The following DNAH9 variants were observed in gnomAD, a reference collection of about 807,000 sequenced individuals.
DNAH9 encodes the protein dynein axonemal heavy chain 9.
Under a neutral mutation model 471.6 loss-of-function variants are expected in DNAH9, and 345 were observed. The ratio of observed to expected loss-of-function variants is 0.73; its 90% CI spans 0.67 to 0.80. The LOEUF (loss-of-function observed/expected upper bound fraction) is 0.80. DNAH9 is among the 30% of genes least tolerant of loss of function. The pLI is 0.00. For missense variants in DNAH9, 5,407 were observed against 5,609.2 expected, an observed-to-expected ratio of 0.96 and a Z score of 1.15; for synonymous variants, 2,093 against 2,123.6, an observed-to-expected ratio of 0.99 and a Z score of 0.40.
chr17:11,847,402 G>A (rs1227179480), intron 49 of DNAH9, among the ~76,000 whole-genome samples: 2 of 152,076 alleles, frequency 1.3e-5, no homozygotes, highest in African/African-American at 4.8e-5. Context: ...GTAAGGAAGG[G>A]GTCCAGTTTT....
chr17:11,818,343 C>G (rs1022089151), intron 45 of DNAH9, among the ~76,000 whole-genome samples: 2 of 151,722 alleles, frequency 1.3e-5, no homozygotes, highest in African/African-American at 4.8e-5. Flanking sequence ...GCAGGAGAAT[C>G]GCTTGAACCT....
chr17:11,844,038 T>A (rs1322206948), intron 49 of DNAH9, among the ~76,000 whole-genome samples: 1 of 101,100 alleles, frequency 9.9e-6, no homozygotes, highest in East Asian at 2.2e-4. Context: ...AAGTATATAC[T>A]CTTAATAAAT....
intron 36 of DNAH9, among the ~76,000 whole-genome samples, chr17:11,767,106 G>A (rs939312672): frequency 6.6e-6 from 1 of 152,204 alleles, no homozygotes; most frequent in African/African-American, 2.4e-5. Flanking sequence ...GTGAGACAAT[G>A]TCGGTGTGGC....
chr17:11,733,233 C>A (rs943343800), intron 28 of DNAH9, among the ~76,000 whole-genome samples: 3 of 152,132 alleles, frequency 2.0e-5, no homozygotes, highest in African/African-American at 7.2e-5. Flanking sequence ...AGCCACTCTC[C>A]TAGAATAGAA....
Position 11,733,039 on chromosome 17 carries a change from GA to G in DNAH9, c.5814+5124del, listed in dbSNP as rs995265002. 1.6e-4 allele frequency among the ~76,000 whole-genome samples: 25 copies of G among 152,322 alleles called. 1 individual carries two copies. The highest frequency in any genetic ancestry group is 1.5e-3 in the South Asian group (7 of 4,822). The stretch of plus-strand genomic sequence containing the variant: ...TAAAGAGAAGCTTAAAGTCTAATGG[GA>G]AAAAAACCCAGAAATGTTAAAATGT... On this transcript the variant is annotated intron_variant, in intron 28 of 68. Transcript: ENST00000262442.
intron 38 of DNAH9, among the ~76,000 whole-genome samples, chr17:11,770,282 T>C (rs1231010574): frequency 6.6e-6 from 1 of 152,172 alleles, no homozygotes; most frequent in Non-Finnish European, 1.5e-5. Flanking sequence ...CCATGACCAT[T>C]TTACCCAGTC....
chr17:11,881,459 G>A (rs1264738287), intron 55 of DNAH9, 46 bp downstream of exon 55: 16 of 1,571,634 alleles, frequency 1.0e-5, no homozygotes, highest in Non-Finnish European at 1.1e-5. Context: ...AGCCTGCAGT[G>A]TACTCCACTC....
At chr17:11,827,956 T>C (rs1263060069) in intron 48 of DNAH9, among the ~76,000 whole-genome samples, 1 of 152,086 alleles carries the variant, frequency 6.6e-6, no homozygotes, top group Non-Finnish European at 1.5e-5. Context: ...TACTCTCCTC[T>C]TACTCTCACA....
intron 60 of DNAH9, among the ~76,000 whole-genome samples, chr17:11,903,416 G>C (rs919844070): frequency 6.6e-6 from 1 of 152,062 alleles, no homozygotes; most frequent in Admixed American, 6.6e-5. Flanking sequence ...TGATATAAAT[G>C]TTCTAAAACG....
At position 11,689,789 on chromosome 17, in the gene DNAH9, C is replaced by A; in HGVS notation, c.3967C>A (p.Pro1323Thr). The change falls in exon 20 of 69, where the codon CCC (proline) becomes ACC (threonine). Residue 1323 changes from proline (P) to threonine (T), a missense_variant. Coordinates refer to ENST00000262442, the MANE Select transcript of DNAH9 (RefSeq NM_001372.4). The stretch of plus-strand genomic sequence containing the variant: ...CAGCATCCATGCCTGGGAGACCACA[C>A]CCTGGAGGAATATCAACGTGGAAGC... The part of the protein sequence containing the change: ...TSSIHAWETT[P>T]WRNINVEAME... The A allele has an allele frequency of 6.2e-7, 1 of 1,614,204 alleles. No homozygotes were observed. The highest frequency in any genetic ancestry group is 2.2e-5 in the East Asian group (1 of 44,868).
intron 2 of DNAH9, among the ~76,000 whole-genome samples, chr17:11,609,301 C>T (rs958945233): frequency 1.3e-5 from 2 of 152,076 alleles, no homozygotes; most frequent in African/African-American, 4.8e-5. Flanking sequence ...AAGTAATTTC[C>T]CAGTTAATTG....
chr17:11,822,801 C>G lies in DNAH9; in HGVS notation c.9013C>G (p.Pro3005Ala). The G allele has an allele frequency of 6.2e-7, 1 of 1,614,082 alleles. No individual in the cohort carries two copies. Residue 3005 changes from proline to alanine, a missense_variant and splice_region_variant, in exon 48 of 69, where the codon CCC (proline) becomes GCC (alanine). Coordinates refer to ENST00000262442, the MANE Select transcript of DNAH9 (RefSeq NM_001372.4). Reference sequence around the variant, plus strand: ...TTCATTTCTTGCTCTTTGGTTTTAGCCCACAGTAAAGCAGTCGATTAGCAA... The same window carrying G: ...TTCATTTCTTGCTCTTTGGTTTTAGGCCACAGTAAAGCAGTCGATTAGCAA... ...RFLQNTEGIE[P>A]TVKQSISKFM...
At chr17:11,851,093 T>TG (rs1971405558) in intron 49 of DNAH9, among the ~76,000 whole-genome samples, 3 of 108,154 alleles carry the variant, frequency 2.8e-5, no homozygotes, top group African/African-American at 9.6e-5. Context: ...ATTGAGGTTG[T>TG]TTTGTTGTTG....
chr17:11,778,874 T>C (rs1968564277), intron 38 of DNAH9, among the ~76,000 whole-genome samples: 1 of 151,652 alleles, frequency 6.6e-6, no homozygotes, highest in Non-Finnish European at 1.5e-5. Flanking sequence ...GGTGTGGTGG[T>C]GTATGCCTGT....
At chr17:11,799,202 T>A (rs569254865) in intron 43 of DNAH9, among the ~76,000 whole-genome samples, 9 of 152,112 alleles carry the variant, frequency 5.9e-5, no homozygotes, top group African/African-American at 2.2e-4. Context: ...ACTTCAAACA[T>A]CCCACTTTCT....
At chr17:11,866,459 G>A (rs1437497610) in intron 50 of DNAH9, among the ~76,000 whole-genome samples, 1 of 152,042 alleles carries the variant, frequency 6.6e-6, no homozygotes, top group African/African-American at 2.4e-5. Flanking sequence ...GGCTGCTCAG[G>A]GGTCAGGGGT....
rs779052111 is a variant in DNAH9, at chr17:11,822,433, C to G, written c.8851-5C>G. The G allele has an allele frequency of 3.1e-6, 5 of 1,614,054 alleles. No individual in the cohort carries two copies. The highest frequency in any genetic ancestry group is 4.2e-6 in the Non-Finnish European group (5 of 1,180,032). ...CTGGTTCTCCCCACCCTTCTGACTT[C>G]TCAGGTGACTCTCTGTTTCTCCCCT... On this transcript the variant is annotated splice_region_variant and splice_polypyrimidine_tract_variant and intron_variant, in intron 46 of 68. Coordinates refer to ENST00000262442, the MANE Select transcript of DNAH9 (RefSeq NM_001372.4).
intron 65 of DNAH9, among the ~76,000 whole-genome samples, chr17:11,934,435 ATTTTT>A (rs547023975): frequency 2.3e-5 from 2 of 86,044 alleles, no homozygotes; most frequent in Admixed American, 1.3e-4. Context: ...TGACAAACCC[ATTTTT>A]TTTTTTTTTT....
intron 49 of DNAH9, among the ~76,000 whole-genome samples, chr17:11,843,758 A>C (rs1037129038): frequency 4.0e-5 from 6 of 150,328 alleles, no homozygotes; most frequent in Admixed American, 6.6e-5. Context: ...AAAAACTTTC[A>C]GATTTTATTT....
Sources: allele counts gnomAD v4.1 joint callset (sites outside exome capture counted in the v4.1 genomes callset), GRCh38; gene constraint gnomAD v4.1.1; transcripts MANE v1.5; gene names NCBI Gene and HGNC (gene_info 2026-07-23, HGNC 2026-07-21).